Variants in WDR89 observed in about 807,000 individuals in gnomAD.
WDR89 encodes WD repeat domain 89, also known as WD repeat-containing protein 89.
A neutral mutation model predicts 29.1 loss-of-function variants in WDR89; 17 were observed. The ratio of observed to expected loss-of-function variants is 0.58; its 90% CI spans 0.40 to 0.88. The LOEUF is 0.88. Ranked by LOEUF, WDR89 falls within the 40% of genes least tolerant of loss-of-function variation. The pLI is 0.00. For synonymous variants in WDR89, 138 were observed against 157.8 expected, an observed-to-expected ratio of 0.87 and a Z score of 0.94; for missense variants, 396 against 456.3, an observed-to-expected ratio of 0.87 and a Z score of 1.20.
At chr14:63,601,430 A>G in intron 2 of WDR89, 2 of 895,874 alleles carry the variant, frequency 2.2e-6, no homozygotes, top group South Asian at 1.6e-5. Context: ...GTTCAAGGCC[A>G]GAAAAACATG....
intron 2 of WDR89, among the ~76,000 whole-genome samples, chr14:63,605,500 C>G (rs1406488405): frequency 6.6e-6 from 1 of 151,632 alleles, no homozygotes; most frequent in East Asian, 1.9e-4. Context: ...CGCTTTGTCA[C>G]CCAGGCTGTA....
intron 1 of WDR89, among the ~76,000 whole-genome samples, chr14:63,639,357 CAAA>C (rs777712423): frequency 7.7e-5 from 5 of 64,692 alleles, no homozygotes; most frequent in East Asian, 1.0e-3. Context: ...TCATCTCTAC[CAAA>C]AAAAAAAAAA....
chr14:63,597,618 T>C lies in WDR89; in HGVS notation c.*1161A>G, dbSNP rs758191424. On this transcript the variant is annotated 3_prime_UTR_variant, in exon 3 of 3. Transcript: ENST00000620954. Reference sequence around the variant, plus strand: ...ATTGTTTTAATAGTTTCACTTCCAATTGTTTTATGAATGCGATTTCTCCAG... The same window carrying C: ...ATTGTTTTAATAGTTTCACTTCCAACTGTTTTATGAATGCGATTTCTCCAG... 1.3e-5 allele frequency: 2 copies of C among 152,230 alleles called. No homozygotes were observed. The highest frequency in any genetic ancestry group is 4.1e-4 in the South Asian group (2 of 4,830). The allele number at this position is 152,230 out of a possible 1,614,324, so 9.4% of individuals were successfully genotyped here.
intron 1 of WDR89, among the ~76,000 whole-genome samples, chr14:63,633,850 T>C (rs998931588): frequency 9.9e-5 from 15 of 152,210 alleles, no homozygotes; most frequent in Non-Finnish European, 1.8e-4. Flanking sequence ...ACATGTGCTT[T>C]GTAGATCAGA....
chr14:63,614,538 T>C (rs994913948), intron 2 of WDR89, among the ~76,000 whole-genome samples: 1 of 152,184 alleles, frequency 6.6e-6, no homozygotes, highest in Non-Finnish European at 1.5e-5. Flanking sequence ...ATCTTAACAA[T>C]CTGGTTATTA....
At chr14:63,633,690 A>G (rs890175412) in intron 1 of WDR89, among the ~76,000 whole-genome samples, 1 of 152,220 alleles carries the variant, frequency 6.6e-6, no homozygotes, top group Non-Finnish European at 1.5e-5. Flanking sequence ...TTGGTGTTAT[A>G]ATGAGGGAAG....
chr14:63,605,316 T>C (rs561544152), intron 2 of WDR89, among the ~76,000 whole-genome samples: 1 of 152,010 alleles, frequency 6.6e-6, no homozygotes, highest in Non-Finnish European at 1.5e-5. Context: ...CATGTGTCTG[T>C]GGTGATGCGT....
chr14:63,608,839 C>A (rs1262109993), intron 2 of WDR89, among the ~76,000 whole-genome samples: 1 of 152,028 alleles, frequency 6.6e-6, no homozygotes, highest in African/African-American at 2.4e-5. Context: ...CTCGGTGGCT[C>A]ACGCCTATAA....
Position 63,622,478 on chromosome 14 carries a change from G to A in WDR89, c.-32+2450C>T, listed in dbSNP as rs545778507. 5.9e-5 allele frequency among the ~76,000 whole-genome samples: 9 copies of A among 152,360 alleles called. No homozygotes were observed. In the East Asian group the frequency reaches 1.7e-3, roughly 29 times the overall value. ...TGCCTATAATCCCAGCTACTTGGGA[G>A]GCTGAGACAGGAGAATCGCTTGAAC... is the stretch of plus-strand genomic sequence containing the variant. On this transcript the variant is annotated intron_variant, in intron 2 of 2. Transcript: ENST00000620954.
Position 63,626,676 on chromosome 14 carries a change from CAAAAAAAAAAAAAA to C in WDR89, c.-137-1657_-137-1644del, listed in dbSNP as rs35582220. Among the ~76,000 whole-genome samples the C allele has an allele frequency of 1.3e-3, 46 of 34,590 alleles. No homozygotes were observed. The South Asian group carries it at 0.025, about 19-fold the overall frequency. The allele number at this position is 34,590 out of a possible 152,430, so 22.7% of individuals were successfully genotyped here. A position where few individuals can be genotyped will look rare whatever the true frequency, so the allele number is the denominator to read the frequency against. ...CCTGGGCTACAGAGTGAGACTGTCT[CAAAAAAAAAAAAAA>C]AAAAAAAAAAAAAAAAAAAAGTTCC... On this transcript the variant is annotated intron_variant, in intron 1 of 2. Transcript: ENST00000620954.
chr14:63,620,246 C>A (rs944622874), intron 2 of WDR89, among the ~76,000 whole-genome samples: 1 of 152,066 alleles, frequency 6.6e-6, no homozygotes, highest in East Asian at 1.9e-4. Flanking sequence ...TAGAATACTA[C>A]CTCAGCCTTA....
intron 2 of WDR89, among the ~76,000 whole-genome samples, chr14:63,618,659 A>G (rs1469452455): frequency 6.6e-6 from 1 of 152,176 alleles, no homozygotes; most frequent in Non-Finnish European, 1.5e-5. Context: ...CTAAAAATGA[A>G]AAGTCCAGAA....
intron 2 of WDR89, among the ~76,000 whole-genome samples, chr14:63,615,577 A>AT (rs1376898493): frequency 7.0e-4 from 107 of 152,354 alleles, no homozygotes; most frequent in African/African-American, 2.4e-3. Context: ...TTAGAAACTG[A>AT]TAAGCTCTAA....
In WDR89 at chr14:63,599,644, C is replaced by T. The variant is rs769328267; in HGVS notation, c.299G>A (p.Arg100Gln). The stretch of plus-strand genomic sequence containing the variant: ...CTGAACAGGTTTTTCTCTGGCTACT[C>T]GAGCATCCCAGCATTTCACAGTGCC... ...TDGTVKCWDARVAREKPVQLF... is the reference protein window; with the variant it reads ...TDGTVKCWDAQVAREKPVQLF... Residue 100 changes from arginine to glutamine, a missense_variant, in exon 3 of 3, where the codon CGA (arginine) becomes CAA (glutamine). By Grantham distance (43) the Arg-to-Gln change is conservative (BLOSUM62 1). Coordinates refer to ENST00000620954, the MANE Select transcript of WDR89 (RefSeq NM_080666.4). The T allele has an allele frequency of 6.2e-6, 10 of 1,614,154 alleles. No individual in the cohort carries two copies. The highest frequency in any genetic ancestry group is 1.1e-5 in the South Asian group (1 of 91,084).
intron 2 of WDR89, among the ~76,000 whole-genome samples, chr14:63,603,988 C>A (rs538453607): frequency 6.6e-6 from 1 of 152,308 alleles, no homozygotes; most frequent in East Asian, 1.9e-4. Context: ...TCTTTCCCTG[C>A]ATGTCTGCAT....
At chr14:63,630,907 C>G (rs900063675) in intron 1 of WDR89, 1 of 152,006 alleles carries the variant, frequency 6.6e-6, no homozygotes, top group Non-Finnish European at 1.5e-5. Context: ...TCCTGAGTAC[C>G]TGGGACTACA....
In WDR89 at chr14:63,602,346, C is replaced by T. The variant is rs577859533; in HGVS notation, c.-31-2373G>A. Among the ~76,000 whole-genome samples, 25 of 151,336 alleles carry T rather than the reference C, an allele frequency of 1.7e-4. 1 individual carries two copies. The highest frequency in any genetic ancestry group is 5.6e-4 in the African/African-American group (23 of 41,084). On this transcript the variant is annotated intron_variant, in intron 2 of 2. Transcript: ENST00000620954. The stretch of plus-strand genomic sequence containing the variant: ...AATTAGTTTGGTGTTGTGGTGCACA[C>T]CTGTAATCCAGCTACTCGGGAGGCT...
At chr14:63,611,564 T>C (rs917624445) in intron 2 of WDR89, among the ~76,000 whole-genome samples, 4 of 151,948 alleles carry the variant, frequency 2.6e-5, no homozygotes, top group Non-Finnish European at 4.4e-5. Flanking sequence ...TCTTAGTTAA[T>C]AGTATTATTC....
At chr14:63,609,684 G>T (rs1881826974) in intron 2 of WDR89, among the ~76,000 whole-genome samples, 1 of 152,148 alleles carries the variant, frequency 6.6e-6, no homozygotes, top group Non-Finnish European at 1.5e-5. Flanking sequence ...CAGCTACATG[G>T]GAGGCTGAGG....
Sources: gnomAD v4.1 joint callset for allele counts (sites outside exome capture counted in the v4.1 genomes callset) on GRCh38, gnomAD v4.1.1 for gene constraint, MANE v1.5 for transcripts, NCBI Gene and HGNC (gene_info 2026-07-23, HGNC 2026-07-21) for gene names.